Variants in MBNL3 observed in about 807,000 individuals in gnomAD.
MBNL3 encodes muscleblind-like protein 3.
In MBNL3, 6 loss-of-function variants were observed where a neutral mutation model predicts 24.5. That is an observed-to-expected ratio of 0.25 (90% CI 0.13 to 0.48). The LOEUF (loss-of-function observed/expected upper bound fraction) is 0.48. Among genes scored for constraint, MBNL3 ranks in the 20% least tolerant of loss-of-function variants. The pLI, the probability that MBNL3 is intolerant of heterozygous loss-of-function variation, is 0.99. For missense variants in MBNL3, 230 were observed against 293.5 expected, an observed-to-expected ratio of 0.78 and a Z score of 1.58; for synonymous variants, 100 against 101.7, an observed-to-expected ratio of 0.98 and a Z score of 0.10.
chrX:132,474,427 T>C (rs965944576), intron 1 of MBNL3, among the ~76,000 whole-genome samples: 4 of 111,843 alleles, frequency 3.6e-5, no homozygotes, highest in Admixed American at 9.5e-5. Flanking sequence ...TCTGTTATTT[T>C]AGCTGAATTC....
At chrX:132,403,668 G>A (rs1202936992) in intron 3 of MBNL3, among the ~76,000 whole-genome samples, 7 of 111,658 alleles carry the variant, frequency 6.3e-5, no homozygotes, top group Admixed American at 9.5e-5. Context: ...GAGCCAGCAC[G>A]ATCAATAACA....
chrX:132,476,661 C>T (rs1480312167), intron 1 of MBNL3, among the ~76,000 whole-genome samples: 1 of 111,931 alleles, frequency 8.9e-6, no homozygotes. Flanking sequence ...TAAAACGTCA[C>T]AATATTTCCC....
At chrX:132,454,246 CAT>C (rs1307676142) in intron 1 of MBNL3, among the ~76,000 whole-genome samples, 2 of 106,691 alleles carry the variant, frequency 1.9e-5, no homozygotes, top group Non-Finnish European at 4.0e-5. Flanking sequence ...CACACACACA[CAT>C]ACACACACAC....
intron 2 of MBNL3, among the ~76,000 whole-genome samples, chrX:132,425,064 C>T (rs1250148383): frequency 8.9e-6 from 1 of 111,952 alleles, no homozygotes; most frequent in Non-Finnish European, 1.9e-5. Context: ...AATGTTGACA[C>T]CAGCTGAATG....
At chrX:132,433,590 C>T (rs1251486512) in intron 2 of MBNL3, among the ~76,000 whole-genome samples, 3 of 112,223 alleles carry the variant, frequency 2.7e-5, no homozygotes, top group Admixed American at 9.4e-5. Context: ...TATTTGTCTT[C>T]GTGGAAATTA....
At chrX:132,387,274 GAAAAAAA>G in intron 5 of MBNL3, among the ~76,000 whole-genome samples, 1 of 22,635 alleles carries the variant, frequency 4.4e-5, no homozygotes, top group South Asian at 2.6e-3. Context: ...CCTGTCTCAA[GAAAAAAA>G]AAAAAAAAAA....
At chrX:132,396,591 C>CA (rs2080731158) in intron 3 of MBNL3, among the ~76,000 whole-genome samples, 4 of 50,429 alleles carry the variant, frequency 7.9e-5, no homozygotes, top group Non-Finnish European at 1.3e-4. Flanking sequence ...TATATATATT[C>CA]CTATATATAT....
intron 1 of MBNL3, among the ~76,000 whole-genome samples, chrX:132,443,039 C>A (rs13440801): frequency 2.2e-3 from 248 of 112,076 alleles, no homozygotes; most frequent in African/African-American, 7.5e-3. Flanking sequence ...ATCTTCACTT[C>A]CTTAGACTTA....
rs1945525708 is a variant in MBNL3 at position 132,443,941 on chromosome X, G to C, written c.-703-3627C>G. Among the ~76,000 whole-genome samples, 3 of 92,279 alleles carry C rather than the reference G, an allele frequency of 3.3e-5. No homozygotes were observed. In the South Asian group the frequency reaches 1.9e-3, roughly 57 times the overall value. The allele number at this position is 92,279 out of a possible 115,157, so 80.1% of individuals were successfully genotyped here. ...TTGCACAACTTCATGAAGCTAGCAG[G>C]TCATCAAGCCATGGTTCAAACTCAA... On this transcript the variant is annotated intron_variant, in intron 1 of 8. Coordinates refer to ENST00000370853, the MANE Select transcript of MBNL3 (RefSeq NM_001386889.1).
chrX:132,459,318 T>C (rs1485992170), intron 1 of MBNL3, among the ~76,000 whole-genome samples: 9 of 110,510 alleles, frequency 8.1e-5, no homozygotes. Context: ...ACTTTAATAG[T>C]CTAACAAACT....
intron 1 of MBNL3, among the ~76,000 whole-genome samples, chrX:132,469,110 T>A (rs1947038500): frequency 8.9e-6 from 1 of 112,099 alleles, no homozygotes; most frequent in Non-Finnish European, 1.9e-5. Context: ...TAGAGAAGAA[T>A]ACCGTGGATG....
At chrX:132,431,333 A>G (rs1432534697) in intron 2 of MBNL3, 2 of 111,726 alleles carry the variant, frequency 1.8e-5, no homozygotes, top group African/African-American at 6.5e-5. Context: ...CTTCTCCCCA[A>G]CTTATCCATT....
chrX:132,446,284 G>T (rs1945715330), intron 1 of MBNL3, among the ~76,000 whole-genome samples: 1 of 111,995 alleles, frequency 8.9e-6, no homozygotes, highest in African/African-American at 3.3e-5. Flanking sequence ...ATAGCAGAAA[G>T]ATTTATAATA....
At chrX:132,459,947 G>C (rs190064137) in intron 1 of MBNL3, among the ~76,000 whole-genome samples, 1 of 111,676 alleles carries the variant, frequency 9.0e-6, no homozygotes, top group East Asian at 2.8e-4. Flanking sequence ...GCCAATTATA[G>C]TATTTATTTG....
At chrX:132,473,746 C>T (rs1382650084) in intron 1 of MBNL3, among the ~76,000 whole-genome samples, 2 of 111,687 alleles carry the variant, frequency 1.8e-5, no homozygotes, top group Admixed American at 1.9e-4. Context: ...AGGCATTCCA[C>T]CTAGTATATC....
chrX:132,395,828 G>A (rs754667690), intron 3 of MBNL3, among the ~76,000 whole-genome samples: 20 of 111,194 alleles, frequency 1.8e-4, no homozygotes, highest in South Asian at 3.8e-4. Context: ...TGCAAAAAAT[G>A]TTGCTTGTGA....
rs759529774 is a variant in MBNL3 at position 132,399,333 on chromosome X, ATACATATG to A, written c.342+6887_342+6894del. On this transcript the variant is annotated intron_variant, in intron 3 of 8. Transcript: ENST00000370853. ...ATGAAAAGCACAGGGTATTTTATAC[ATACATATG>A]TACATATGTACATACATGAATCCCA... 1.3e-4 allele frequency among the ~76,000 whole-genome samples: 14 copies of A among 111,015 alleles called. No homozygotes were observed. In the East Asian group the frequency reaches 2.8e-3, roughly 23 times the overall value.
At chrX:132,390,245 AAAC>A (rs1431497504) in intron 5 of MBNL3, among the ~76,000 whole-genome samples, 3 of 91,268 alleles carry the variant, frequency 3.3e-5, no homozygotes, top group Non-Finnish European at 6.4e-5. Flanking sequence ...AAACAAAACA[AAAC>A]AAAACAACAA....
intron 1 of MBNL3, among the ~76,000 whole-genome samples, chrX:132,446,246 C>T (rs1192724598): frequency 8.0e-5 from 9 of 111,922 alleles, no homozygotes; most frequent in Non-Finnish European, 1.5e-4. Context: ...AATCGTGCTA[C>T]AATAAACATA....
Sources: allele counts gnomAD v4.1 joint callset (sites outside exome capture counted in the v4.1 genomes callset), GRCh38; gene constraint gnomAD v4.1.1; transcripts MANE v1.5; gene names NCBI Gene and HGNC (gene_info 2026-07-23, HGNC 2026-07-21).